The following EHBP1 variants were observed in gnomAD, a reference collection of about 807,000 sequenced individuals.
EHBP1 encodes EH domain-binding protein 1.
In EHBP1, 55 loss-of-function variants were observed where a neutral mutation model predicts 144.0. The ratio of observed to expected loss-of-function variants is 0.38; its 90% CI spans 0.31 to 0.48. The LOEUF (loss-of-function observed/expected upper bound fraction) is 0.48, where lower values mean the gene tolerates loss of function less well. Ranked by LOEUF, EHBP1 falls within the 20% of genes least tolerant of loss-of-function variation. The pLI is 0.98. For missense variants in EHBP1, 1,200 were observed against 1,364.2 expected (o/e 0.88, Z 1.90); for synonymous variants, 469 against 472.7 (o/e 0.99, Z 0.10).
At chr2:62,807,530 A>G (rs905719434) in intron 5 of EHBP1, among the ~76,000 whole-genome samples, 4 of 152,232 alleles carry the variant, frequency 2.6e-5, no homozygotes, top group East Asian at 1.9e-4. Context: ...CCTGGGCAAT[A>G]AGAGCGAAAC....
chr2:62,805,356 T>C (rs1360171102), intron 5 of EHBP1, among the ~76,000 whole-genome samples: 1 of 152,038 alleles, frequency 6.6e-6, no homozygotes, highest in Non-Finnish European at 1.5e-5. Flanking sequence ...ATCCAATATA[T>C]GATCCAGTTT....
intron 19 of EHBP1, among the ~76,000 whole-genome samples, chr2:63,007,745 T>G (rs1487962163): frequency 1.3e-5 from 2 of 151,802 alleles, no homozygotes; most frequent in African/African-American, 4.8e-5. Context: ...AAAAGCGTAT[T>G]GATGATATTC....
At chr2:62,736,285 G>T (rs1293901149) in intron 2 of EHBP1, among the ~76,000 whole-genome samples, 1 of 140,484 alleles carries the variant, frequency 7.1e-6, no homozygotes, top group African/African-American at 2.7e-5. Context: ...GGAGTACAGT[G>T]GTGCGTTCTT....
chr2:62,837,252 G>C (rs2047345705), intron 7 of EHBP1, among the ~76,000 whole-genome samples: 2 of 144,506 alleles, frequency 1.4e-5, no homozygotes, highest in African/African-American at 5.2e-5. Flanking sequence ...CTTCATAAGT[G>C]AAGGAGAAAT....
At chr2:62,984,269 T>C (rs1318691288) in intron 15 of EHBP1, among the ~76,000 whole-genome samples, 1 of 152,248 alleles carries the variant, frequency 6.6e-6, no homozygotes, top group Non-Finnish European at 1.5e-5. Flanking sequence ...ATTCAATTTA[T>C]CTATAAATAA....
At chr2:62,737,987 A>G (rs903664589) in intron 2 of EHBP1, among the ~76,000 whole-genome samples, 2 of 151,756 alleles carry the variant, frequency 1.3e-5, no homozygotes, top group Non-Finnish European at 2.9e-5. Flanking sequence ...CTGGTCTTGA[A>G]CTCATGGCTT....
chr2:62,901,700 C>G (rs1279409060), intron 10 of EHBP1, among the ~76,000 whole-genome samples: 2 of 151,720 alleles, frequency 1.3e-5, no homozygotes, highest in African/African-American at 4.8e-5. Context: ...CACAGTGGCT[C>G]ACACCTATAA....
At chr2:62,686,770 T>G (rs2033732052) in intron 1 of EHBP1, among the ~76,000 whole-genome samples, 1 of 152,250 alleles carries the variant, frequency 6.6e-6, no homozygotes, top group South Asian at 2.1e-4. Flanking sequence ...TCTCTTATTT[T>G]AAACACATGT....
chr2:62,893,781 C>T (rs1000662910), intron 10 of EHBP1, among the ~76,000 whole-genome samples: 4 of 152,068 alleles, frequency 2.6e-5, no homozygotes, highest in Non-Finnish European at 5.9e-5. Flanking sequence ...TGGTGACTCA[C>T]GCCTATAACC....
chr2:62,851,484 A>G (rs1010259620), intron 7 of EHBP1, among the ~76,000 whole-genome samples: 1 of 152,162 alleles, frequency 6.6e-6, no homozygotes. Flanking sequence ...TGAGTTATAC[A>G]TCTCTCTTTC....
intron 19 of EHBP1, among the ~76,000 whole-genome samples, chr2:63,017,215 G>C (rs1397829549): frequency 7.9e-5 from 12 of 152,126 alleles, no homozygotes; most frequent in Admixed American, 4.6e-4. Context: ...ATAGAGATGG[G>C]GTTTCACCAT....
In EHBP1 at chr2:63,045,165, A is replaced by G; in HGVS notation, c.3377A>G (p.Asp1126Gly). 6.3e-7 allele frequency: 1 copy of G among 1,589,990 alleles called. No individual in the cohort carries two copies. The highest frequency in any genetic ancestry group is 1.8e-5 in the Admixed American group (1 of 56,938). ...NKRDALVRDL[D>G]AQEKQAEEED... ...CGCGATGCGCTCGTCAGGGACCTGG[A>G]CGCGCAGGAGAAGCAGTGAGTGGGC... is the stretch of plus-strand genomic sequence containing the variant. The change falls in exon 22 of 23, where the codon GAC becomes GGC. Residue 1126 changes from aspartate to glycine, a missense_variant. Asp to Gly is a moderately conservative substitution (Grantham distance 94). This residue lies in a region of EHBP1 where 149 missense variants were observed against 217.0 expected (regional missense o/e 0.69). Transcript: ENST00000431489. This position sits in a 1 kb window ranked among gnomAD's most constrained non-coding sequence, Gnocchi z 5.7.
intron 19 of EHBP1, among the ~76,000 whole-genome samples, chr2:63,030,406 T>G (rs866852374): frequency 5.9e-5 from 9 of 151,688 alleles, no homozygotes; most frequent in African/African-American, 2.2e-4. Context: ...TATATATATA[T>G]ATACACACAC....
At chr2:62,792,391 G>A (rs2043219642) in intron 5 of EHBP1, among the ~76,000 whole-genome samples, 7 of 152,024 alleles carry the variant, frequency 4.6e-5, no homozygotes, top group Admixed American at 3.3e-4. Context: ...AGTGAGCCCA[G>A]AGTCAGATGT....
intron 5 of EHBP1, among the ~76,000 whole-genome samples, chr2:62,798,365 CAA>C (rs139839270): frequency 2.4e-4 from 32 of 134,782 alleles, no homozygotes; most frequent in East Asian, 2.1e-4. Flanking sequence ...GAGACTCCGT[CAA>C]AAAAAAAAAA....
At chr2:62,766,307 C>T (rs2041183394) in intron 4 of EHBP1, among the ~76,000 whole-genome samples, 1 of 152,092 alleles carries the variant, frequency 6.6e-6, no homozygotes, top group African/African-American at 2.4e-5. Context: ...CGAGAGAATG[C>T]TGCAGTCACG....
chr2:62,816,716 A>G (rs1389185750), intron 5 of EHBP1, among the ~76,000 whole-genome samples: 4 of 152,118 alleles, frequency 2.6e-5, no homozygotes, highest in Admixed American at 6.6e-5. Flanking sequence ...ACGTGGCTCT[A>G]TTGTCTCCTG....
At chr2:63,038,250 T>C (rs896680287) in intron 20 of EHBP1, among the ~76,000 whole-genome samples, 1 of 152,092 alleles carries the variant, frequency 6.6e-6, no homozygotes, top group African/African-American at 2.4e-5. Flanking sequence ...GCTTACGTGG[T>C]TTATTTTAGT....
At chr2:62,949,612 A>G (rs752015845) in intron 13 of EHBP1, among the ~76,000 whole-genome samples, 5 of 152,230 alleles carry the variant, frequency 3.3e-5, no homozygotes, top group African/African-American at 7.2e-5. Flanking sequence ...AGATGTTTCA[A>G]TATTCCATTT....
Sources: allele counts gnomAD v4.1 joint callset (sites outside exome capture counted in the v4.1 genomes callset), GRCh38; gene constraint gnomAD v4.1.1; regional missense constraint gnomAD v4.1.1; non-coding constraint Gnocchi (gnomAD v3.1); transcripts MANE v1.5; gene names NCBI Gene and HGNC (gene_info 2026-07-23, HGNC 2026-07-21).